The following SHTN1 variants were observed in gnomAD, a reference collection of about 807,000 sequenced individuals.
The protein encoded by SHTN1 is shootin 1.
A neutral mutation model predicts 83.1 loss-of-function variants in SHTN1; 42 were observed. That is an observed-to-expected ratio of 0.51 (90% confidence interval 0.39 to 0.65). The LOEUF (loss-of-function observed/expected upper bound fraction) is 0.65, where lower values mean the gene tolerates loss of function less well. Ranked by LOEUF, SHTN1 falls within the 30% of genes least tolerant of loss-of-function variation. The pLI, the probability that SHTN1 is intolerant of heterozygous loss-of-function variation, is 0.00. For synonymous variants in SHTN1, 224 were observed against 247.7 expected, an observed-to-expected ratio of 0.90 and a Z score of 0.90; for missense variants, 622 against 737.8, an observed-to-expected ratio of 0.84 and a Z score of 1.82.
intron 1 of SHTN1, among the ~76,000 whole-genome samples, chr10:117,098,193 C>T (rs1853534700): frequency 6.8e-6 from 1 of 145,988 alleles, no homozygotes; most frequent in Non-Finnish European, 1.5e-5. Context: ...TCCAGACCAT[C>T]CTGGCTAACA....
intron 1 of SHTN1, among the ~76,000 whole-genome samples, chr10:117,097,414 G>C (rs1589931096): frequency 6.6e-6 from 1 of 152,330 alleles, no homozygotes; most frequent in East Asian, 1.9e-4. Context: ...TTAATTCACT[G>C]TTCTACATGG....
intron 3 of SHTN1, among the ~76,000 whole-genome samples, chr10:116,963,718 T>C (rs1033912593): frequency 7.2e-5 from 11 of 152,206 alleles, no homozygotes; most frequent in Admixed American, 6.5e-4. Flanking sequence ...TGGCTGTGAG[T>C]TGGCAACTGT....
intron 1 of SHTN1, among the ~76,000 whole-genome samples, chr10:116,989,077 A>T (rs2133505735): frequency 6.6e-6 from 1 of 152,322 alleles, no homozygotes; most frequent in South Asian, 2.1e-4. Flanking sequence ...GTTAAAAAAA[A>T]ACAGTATTTT....
At chr10:116,995,202 A>G (rs1033271344) in intron 1 of SHTN1, among the ~76,000 whole-genome samples, 1 of 152,168 alleles carries the variant, frequency 6.6e-6, no homozygotes, top group African/African-American at 2.4e-5. Context: ...GCAAGCAATT[A>G]TAATCCTAAA....
At chr10:117,052,241 A>G in intron 1 of SHTN1, among the ~76,000 whole-genome samples, 1 of 151,818 alleles carries the variant, frequency 6.6e-6, no homozygotes. Context: ...AGATTTGTAT[A>G]CTAAAAATGA....
intron 1 of SHTN1, among the ~76,000 whole-genome samples, chr10:116,990,557 T>C (rs931265796): frequency 7.9e-5 from 12 of 152,180 alleles, no homozygotes; most frequent in African/African-American, 2.9e-4. Context: ...TTGTTAACAA[T>C]GAGGGTCTTT....
intron 2 of SHTN1, chr10:116,973,938 G>A (rs1317943497): frequency 7.9e-6 from 10 of 1,271,884 alleles, no homozygotes; most frequent in African/African-American, 1.5e-5. Flanking sequence ...CTCCACCTAT[G>A]TAAGTCTGGC....
At chr10:117,037,738 T>C (rs1852519574) in intron 2 of SHTN1, among the ~76,000 whole-genome samples, 1 of 152,152 alleles carries the variant, frequency 6.6e-6, no homozygotes, top group Non-Finnish European at 1.5e-5. Flanking sequence ...CTGGGTGTGG[T>C]GGCTCACATC....
intron 1 of SHTN1, among the ~76,000 whole-genome samples, chr10:117,114,215 A>T (rs1269292612): frequency 7.2e-5 from 11 of 152,158 alleles, no homozygotes; most frequent in Non-Finnish European, 1.5e-4. Flanking sequence ...TTCCTTTCTT[A>T]AAAAAAGAAG....
rs11599752 is a variant in SHTN1 at position 116,893,826 on chromosome 10, A to G, written c.1674-7260T>C. 5.6e-3 allele frequency among the ~76,000 whole-genome samples: 848 copies of G among 152,338 alleles called. 6 individuals are homozygous for G. The highest frequency in any genetic ancestry group is 8.2e-3 in the Non-Finnish European group (561 of 68,022). On this transcript the variant is annotated intron_variant, in intron 16 of 16. Transcript: ENST00000355371. Reference sequence around the variant, plus strand: ...GAATAATTTTATGCCAAGTTTCCCTAAAGTAAGTTAAGAATCTCAATTTTT... The same window carrying G: ...GAATAATTTTATGCCAAGTTTCCCTGAAGTAAGTTAAGAATCTCAATTTTT...
At position 117,044,953 on chromosome 10, in the gene SHTN1, G is replaced by A. The variant is rs539547801; in HGVS notation, c.-123+3492C>T. On this transcript the variant is annotated intron_variant, in intron 2 of 17. Transcript: ENST00000392901. ...TCTTAATACTTTAACAGTTTAATATGTGCATATATATGCAGAGCAAGTATT... is the reference window on the plus strand; with the variant it reads ...TCTTAATACTTTAACAGTTTAATATATGCATATATATGCAGAGCAAGTATT... 2.0e-5 allele frequency among the ~76,000 whole-genome samples: 3 copies of A among 152,236 alleles called. No individual in the cohort carries two copies. The South Asian group carries it at 6.2e-4, about 32-fold the overall frequency.
chr10:117,092,469 C>T (rs1475585215), intron 1 of SHTN1, among the ~76,000 whole-genome samples: 1 of 152,116 alleles, frequency 6.6e-6, no homozygotes, highest in East Asian at 1.9e-4. Context: ...TGAAATGAAC[C>T]AACACACACA....
chr10:116,947,256 T>G (rs1202610132), intron 7 of SHTN1, among the ~76,000 whole-genome samples: 2 of 152,098 alleles, frequency 1.3e-5, no homozygotes, highest in Non-Finnish European at 2.9e-5. Flanking sequence ...CATTAGATAT[T>G]AGGCACAAGC....
intron 9 of SHTN1, among the ~76,000 whole-genome samples, chr10:116,937,150 T>C (rs1849201536): frequency 6.6e-6 from 1 of 152,250 alleles, no homozygotes; most frequent in African/African-American, 2.4e-5. Flanking sequence ...TGGGGGCATT[T>C]ATCCCATTTA....
chr10:116,924,021 T>C (rs1262415755), intron 11 of SHTN1, among the ~76,000 whole-genome samples: 1 of 152,240 alleles, frequency 6.6e-6, no homozygotes, highest in Non-Finnish European at 1.5e-5. Flanking sequence ...TCTATCTAGC[T>C]TGGGAACCAA....
In SHTN1 at chr10:116,960,060, C is replaced by G. The variant is rs984177438; in HGVS notation, c.267+76G>C. 4.8e-6 allele frequency: 4 copies of G among 832,570 alleles called. No homozygotes were observed. The Admixed American group carries it at 8.4e-5, about 17-fold the overall frequency. 51.6% of individuals were successfully genotyped at this position (832,570 alleles called of 1,614,324 possible). On this transcript the variant is annotated intron_variant, in intron 4 of 16. Transcript: ENST00000355371. ...GATTAGAGAAGTAGAAAAGCAAAAC[C>G]AGATAGAAGCCACTGCTTAGAAAAG...
chr10:116,993,490 A>C (rs907163426), intron 1 of SHTN1, among the ~76,000 whole-genome samples: 1 of 152,216 alleles, frequency 6.6e-6, no homozygotes, highest in African/African-American at 2.4e-5. Context: ...ACTTGGGCAA[A>C]TAAGACTAGT....
intron 2 of SHTN1, among the ~76,000 whole-genome samples, chr10:117,048,233 T>A (rs1852695311): frequency 6.6e-6 from 1 of 152,188 alleles, no homozygotes; most frequent in African/African-American, 2.4e-5. Flanking sequence ...TGTAAATATC[T>A]CCATCAACTC....
chr10:117,092,135 C>T (rs138916774), intron 1 of SHTN1, among the ~76,000 whole-genome samples: 131 of 152,310 alleles, frequency 8.6e-4, no homozygotes, highest in African/African-American at 3.0e-3. Context: ...TAGTACTTCC[C>T]GTACTTAGAT....
Sources: allele counts gnomAD v4.1 joint callset (sites outside exome capture counted in the v4.1 genomes callset), GRCh38; gene constraint gnomAD v4.1.1; transcripts MANE v1.5; gene names NCBI Gene and HGNC (gene_info 2026-07-23, HGNC 2026-07-21).